The following GDF1 variants were observed in gnomAD, a reference collection of about 807,000 sequenced individuals.
GDF1 encodes embryonic growth/differentiation factor 1.
A neutral mutation model predicts 7.4 loss-of-function variants in GDF1; 8 were observed. The observed-to-expected ratio is 1.09, with a 90% CI of 0.64 to 1.96. The LOEUF is 1.96. GDF1 is among the 30% of genes most tolerant of loss of function. GDF1 has a pLI of 0.00. For synonymous variants in GDF1, 311 were observed against 276.7 expected (o/e 1.12, Z -1.23); for missense variants, 574 against 551.5 (o/e 1.04, Z -0.41).
chr19:18,869,552 A>G (rs2055924552), intron 7 of GDF1, among the ~76,000 whole-genome samples, 162 bp from the exon 8 acceptor site: 1 of 120,084 alleles, frequency 8.3e-6, no homozygotes, highest in Non-Finnish European at 1.7e-5. Context: ...GGGGCAGGGC[A>G]TGAGTTCCAA....
In GDF1 at chr19:18,885,511, G is replaced by GTTT. The variant is rs59793456; in HGVS notation, c.-913-1247_-913-1245dup. On this transcript the variant is annotated intron_variant, in intron 2 of 7. Transcript: ENST00000247005. ...CTCACCCAGCCCAGCGCCCCTTCTC[G>GTTT]TTTTTTTTTTTTTTTTTTTTTTTTT... Among the ~76,000 whole-genome samples, 149 of 22,082 alleles carry GTTT rather than the reference G, an allele frequency of 6.7e-3. 6 individuals carry two copies. The highest frequency in any genetic ancestry group is 0.017 in the African/African-American group (144 of 8,668). 14.5% of individuals were successfully genotyped at this position (22,082 alleles called of 152,430 possible).
At chr19:18,879,821 C>A (rs1481318756) in intron 4 of GDF1, among the ~76,000 whole-genome samples, 2 of 139,614 alleles carry the variant, frequency 1.4e-5, no homozygotes, top group Non-Finnish European at 1.5e-5. Context: ...CCTCACCAAG[C>A]CCCCACCTCC....
chr19:18,884,029 G>C (rs1038587044), intron 3 of GDF1, 58 bp downstream of exon 3: 51 of 1,550,632 alleles, frequency 3.3e-5, no homozygotes, highest in Non-Finnish European at 4.3e-5. Context: ...CGCAACATCA[G>C]CCTCCGCACT....
chr19:18,869,787 G>A (rs1230545291), intron 7 of GDF1, among the ~76,000 whole-genome samples, 196 bp downstream of exon 7: 11 of 152,126 alleles, frequency 7.2e-5, no homozygotes, highest in Non-Finnish European at 1.3e-4. Context: ...CTGGTCTTGG[G>A]AACCCCCTGA....
chr19:18,870,113 C>G lies in GDF1; in HGVS notation c.195G>C (p.Leu65=). ...TCTCCTGGGGGTCCCGGCGTCGAAACAGGCGCCACATGACCGGGGGAACCG... is the reference window on the plus strand; with the variant it reads ...TCTCCTGGGGGTCCCGGCGTCGAAAGAGGCGCCACATGACCGGGGGAACCG... ...LRPVPPVMWR[L]FRRRDPQETR... The change falls in exon 7 of 8, where the codon CTG becomes CTC. Residue 65 remains leucine (L), a synonymous_variant. Transcript: ENST00000247005. The surrounding 1 kb of genome is among the most constrained non-coding windows in gnomAD (Gnocchi z 5.1). 6.4e-7 allele frequency: 1 copy of G among 1,568,126 alleles called. No homozygotes were observed. Among genetic ancestry groups the G allele is most frequent in the Non-Finnish European group, 8.6e-7 (1 of 1,161,936 alleles).
In GDF1 at chr19:18,868,806, C is replaced by CG. The variant is rs606231383; in HGVS notation, c.909dup (p.Val304ArgfsTer48). 153 of 1,454,670 alleles carry CG rather than the reference C, an allele frequency of 1.1e-4. No individual in the cohort carries two copies. Among genetic ancestry groups the CG allele is most frequent in the Non-Finnish European group, 8.1e-5 (89 of 1,093,324 alleles). The allele number at this position is 1,454,670 out of a possible 1,614,324, so 90.1% of individuals were successfully genotyped here. On this transcript the variant is annotated frameshift_variant, in exon 8 of 8. Transcript: ENST00000247005. LOFTEE classifies it low-confidence loss of function (END_TRUNC). ...GGCCCCCCGGACCCCGACAGCGCGA[C>CG]GGGCAGCGCGCACTGACCCTGGCAG...
intron 2 of GDF1, among the ~76,000 whole-genome samples, chr19:18,887,778 T>C (rs897989084): frequency 1.3e-5 from 2 of 151,706 alleles, no homozygotes; most frequent in African/African-American, 2.4e-5. Context: ...TTAAGATTTA[T>C]ATGGCAAAAA....
intron 2 of GDF1, among the ~76,000 whole-genome samples, chr19:18,886,290 C>T (rs2056358315): frequency 6.6e-6 from 1 of 152,158 alleles, no homozygotes; most frequent in Admixed American, 6.6e-5. Context: ...TGGCTCACGC[C>T]TGTAATCCCA....
Position 18,868,853 on chromosome 19 carries a change from G to A in GDF1, c.863C>T (p.Pro288Leu). The A allele has an allele frequency of 1.4e-6, 2 of 1,446,820 alleles. No individual in the cohort carries two copies. The highest frequency in any genetic ancestry group is 1.8e-6 in the Non-Finnish European group (2 of 1,092,124). 89.6% of individuals were successfully genotyped at this position (1,446,820 alleles called of 1,614,324 possible). A position where few individuals can be genotyped will look rare whatever the true frequency, so the allele number is the denominator to read the frequency against. The change falls in exon 8 of 8, where the codon CCG (proline) becomes CTG (leucine). Residue 288 changes from proline to leucine, a missense_variant. Physicochemically the swap from Pro to Leu is moderately conservative, Grantham distance 98 (BLOSUM62 -3). Transcript: ENST00000247005. The stretch of plus-strand genomic sequence containing the variant: ...GCAGTAGTTGGCCAGGAAGCCGCGC[G>A]GCGCGATGACCCAGCGGTGCCAGCC... ...EVGWHRWVIA[P>L]RGFLANYCQG...
chr19:18,870,034 C>A lies in GDF1; in HGVS notation c.274G>T (p.Val92Leu). 1 of 1,597,114 alleles carries A rather than the reference C, an allele frequency of 6.3e-7. No individual in the cohort carries two copies. The highest frequency in any genetic ancestry group is 1.1e-5 in the South Asian group (1 of 88,692). The stretch of plus-strand genomic sequence containing the variant: ...TTTCCGGCGACCCCCAGCTCCTCCA[C>A]GTGGCACGGTTGCAGGGTGACCCCT... ...SPGVTLQPCHVEELGVAGNIV... is the reference protein window; with the variant it reads ...SPGVTLQPCHLEELGVAGNIV... The change falls in exon 7 of 8, where the codon GTG becomes TTG. Residue 92 changes from valine (V) to leucine (L), a missense_variant. Val to Leu is a conservative substitution (Grantham distance 32, BLOSUM62 1). Coordinates refer to ENST00000247005, the MANE Select transcript of GDF1 (RefSeq NM_001492.6). This position sits in a 1 kb window ranked among gnomAD's most constrained non-coding sequence, Gnocchi z 5.1.
chr19:18,870,801 CCTT>C lies in GDF1; in HGVS notation c.-312-185_-312-183del, dbSNP rs1471536760. Among the ~76,000 whole-genome samples, 1 of 152,130 alleles carries C rather than the reference CCTT, an allele frequency of 6.6e-6. No homozygotes were observed. Among genetic ancestry groups the C allele is most frequent in the African/African-American group, 2.4e-5 (1 of 41,432 alleles). On this transcript the variant is annotated intron_variant, in intron 6 of 7. Coordinates refer to ENST00000247005, the MANE Select transcript of GDF1 (RefSeq NM_001492.6). This position sits in a 1 kb window ranked among gnomAD's most constrained non-coding sequence, Gnocchi z 5.1. Reference sequence around the variant, plus strand: ...CCCTCCTTGCCTTCACCCTGCCCCTCCTTCAACCTGCCCCGTAGGCACGTATGT... The same window carrying C: ...CCCTCCTTGCCTTCACCCTGCCCCTCCAACCTGCCCCGTAGGCACGTATGT...
intron 6 of GDF1, among the ~76,000 whole-genome samples, chr19:18,873,937 G>A (rs565946852): frequency 6.6e-6 from 1 of 152,078 alleles, no homozygotes; most frequent in Non-Finnish European, 1.5e-5. Context: ...CTTCGGGATG[G>A]GGGGAGGAAG....
intron 1 of GDF1, among the ~76,000 whole-genome samples, chr19:18,893,998 G>A (rs915825499): frequency 2.0e-5 from 3 of 151,918 alleles, no homozygotes; most frequent in African/African-American, 4.8e-5. Context: ...ACACAGAGGG[G>A]AGAGGAAGAA....
chr19:18,887,595 A>C (rs1024157150), intron 2 of GDF1, among the ~76,000 whole-genome samples: 1 of 151,930 alleles, frequency 6.6e-6, no homozygotes, highest in Admixed American at 6.6e-5. Flanking sequence ...AAATACAAAA[A>C]TTAGCTGGGC....
At chr19:18,887,048 AG>A (rs2146044751) in intron 2 of GDF1, among the ~76,000 whole-genome samples, 1 of 152,374 alleles carries the variant, frequency 6.6e-6, no homozygotes, top group East Asian at 1.9e-4. Context: ...GGACTCAAAG[AG>A]ATACTCATGT....
intron 6 of GDF1, among the ~76,000 whole-genome samples, chr19:18,876,241 C>T (rs1483321874): frequency 6.6e-6 from 1 of 152,246 alleles, no homozygotes; most frequent in African/African-American, 2.4e-5. Flanking sequence ...CTGCCTTGGC[C>T]TCCCAAAGTG....
At chr19:18,872,515 A>AT (rs1006396798) in intron 6 of GDF1, among the ~76,000 whole-genome samples, 3,210 of 125,878 alleles carry the variant, frequency 0.026, 56 homozygotes, top group Non-Finnish European at 0.032. Context: ...GCCCGGGGTA[A>AT]TTTTTTTTTT....
chr19:18,873,251 C>T (rs1042494222), intron 6 of GDF1, among the ~76,000 whole-genome samples: 9 of 151,892 alleles, frequency 5.9e-5, no homozygotes, highest in African/African-American at 1.5e-4. Context: ...ATGTCAAACA[C>T]GGGAGATGGA....
Position 18,879,054 on chromosome 19 carries a change from G to A in GDF1, c.-422-15C>T, listed in dbSNP as rs774715586. 5.6e-6 allele frequency: 9 copies of A among 1,612,332 alleles called. No homozygotes were observed. Among genetic ancestry groups the A allele is most frequent in the Admixed American group, 1.7e-5 (1 of 59,888 alleles). ...GCCACGATGTACTGCGAGAGGGGAGGGGAGGTGCCAGTGAGAAGAAAGCCC... is the reference window on the plus strand; with the variant it reads ...GCCACGATGTACTGCGAGAGGGGAGAGGAGGTGCCAGTGAGAAGAAAGCCC... On this transcript the variant is annotated splice_polypyrimidine_tract_variant and intron_variant, in intron 5 of 7. Transcript: ENST00000247005.
Sources: allele counts gnomAD v4.1 joint callset (sites outside exome capture counted in the v4.1 genomes callset), GRCh38; gene constraint gnomAD v4.1.1; non-coding constraint Gnocchi (gnomAD v3.1); transcripts MANE v1.5; gene names NCBI Gene and HGNC (gene_info 2026-07-23, HGNC 2026-07-21).